The following RB1CC1 variants were observed in gnomAD, a reference collection of about 807,000 sequenced individuals.
RB1CC1 encodes the protein RB1-inducible coiled-coil protein 1.
RB1CC1 carries 46 observed loss-of-function variants against 177.5 expected under a neutral mutation model. That is an observed-to-expected ratio of 0.26 (90% CI 0.20 to 0.33). The LOEUF is 0.33. RB1CC1 is among the 10% of genes least tolerant of loss of function. RB1CC1 has a pLI of 1.00. For synonymous variants in RB1CC1, 666 were observed against 613.6 expected (o/e 1.09, Z -1.26); for missense variants, 1,703 against 1,816.3 (o/e 0.94, Z 1.13).
At chr8:52,710,600 C>T (rs897444912) in intron 1 of RB1CC1, among the ~76,000 whole-genome samples, 3 of 152,134 alleles carry the variant, frequency 2.0e-5, no homozygotes, top group Non-Finnish European at 2.9e-5. Context: ...ATGCATTACA[C>T]ATTTTGGTGT....
chr8:52,704,399 G>T (rs1206825604), intron 1 of RB1CC1, among the ~76,000 whole-genome samples: 4 of 150,152 alleles, frequency 2.7e-5, no homozygotes, highest in African/African-American at 9.8e-5. Context: ...TATGAAGAGA[G>T]GTATGCAAAA....
chr8:52,628,394 A>G (rs761067544), intron 21 of RB1CC1, among the ~76,000 whole-genome samples: 4 of 152,170 alleles, frequency 2.6e-5, no homozygotes, highest in Non-Finnish European at 5.9e-5. Flanking sequence ...AAAACCAAAA[A>G]TTTCTTTAAT....
At chr8:52,686,416 C>T (rs534138445) in intron 2 of RB1CC1, among the ~76,000 whole-genome samples, 2 of 152,270 alleles carry the variant, frequency 1.3e-5, no homozygotes, top group East Asian at 3.9e-4. Flanking sequence ...CTTGGTGGCG[C>T]ATGCCTGTGG....
At chr8:52,644,492 TGAATCATA>T (rs1344136884) in intron 16 of RB1CC1, among the ~76,000 whole-genome samples, 2 of 152,184 alleles carry the variant, frequency 1.3e-5, no homozygotes, top group Admixed American at 6.6e-5. Flanking sequence ...ATATGCAGAA[TGAATCATA>T]GAGAAGAATC....
chr8:52,676,088 G>C (rs578115406), intron 6 of RB1CC1, among the ~76,000 whole-genome samples: 1 of 152,096 alleles, frequency 6.6e-6, no homozygotes, highest in African/African-American at 2.4e-5. Context: ...CATAAGCAAA[G>C]ATTCTTGGTT....
At chr8:52,623,974 A>C in intron 23 of RB1CC1, 115 bp from the exon 24 acceptor site, 4 of 686,324 alleles carry the variant, frequency 5.8e-6, no homozygotes, top group Non-Finnish European at 5.1e-6. Flanking sequence ...AATAAACCAC[A>C]TCACACAAGT....
chr8:52,705,641 A>T (rs571126685), intron 1 of RB1CC1, among the ~76,000 whole-genome samples: 1 of 152,218 alleles, frequency 6.6e-6, no homozygotes, highest in Non-Finnish European at 1.5e-5. Context: ...TTTTCATTAT[A>T]CCATCACTTT....
chr8:52,701,047 T>C (rs1056774731), intron 1 of RB1CC1, among the ~76,000 whole-genome samples: 1 of 152,216 alleles, frequency 6.6e-6, no homozygotes, highest in Non-Finnish European at 1.5e-5. Flanking sequence ...GCCAGTTGTT[T>C]AGGGAAACAG....
rs565543561 is a variant in RB1CC1 at position 52,649,355 on chromosome 8, C to T, written c.3822-3488G>A. Among the ~76,000 whole-genome samples, 24 of 152,294 alleles carry T rather than the reference C, an allele frequency of 1.6e-4. No homozygotes were observed. In the South Asian group the frequency reaches 5.0e-3, roughly 32 times the overall value. On this transcript the variant is annotated intron_variant, in intron 15 of 23. Coordinates refer to ENST00000025008, the MANE Select transcript of RB1CC1 (RefSeq NM_014781.5). Reference sequence around the variant, plus strand: ...ACTTGAAAAAAGGCATCTCTAAAGGCTGACAGTTTTTCCCACCATTAAAAT... The same window carrying T: ...ACTTGAAAAAAGGCATCTCTAAAGGTTGACAGTTTTTCCCACCATTAAAAT...
rs1345844275 is a variant in RB1CC1, at chr8:52,657,474, C to T, written c.2355G>A (p.Lys785=). Residue 785 remains lysine (K), a synonymous_variant, in exon 15 of 24, where the codon AAG becomes AAA. Transcript: ENST00000025008. Reference sequence around the variant, plus strand: ...GAGAAGTATGATCTCCAAAATCCTCCTTACCACATACATTTGTATCCTGCA... The same window carrying T: ...GAGAAGTATGATCTCCAAAATCCTCTTTACCACATACATTTGTATCCTGCA... ...RRMQDTNVCG[K]EDFGDHTSLN... The T allele has an allele frequency of 3.1e-6, 5 of 1,613,724 alleles. No homozygotes were observed. The highest frequency in any genetic ancestry group is 3.4e-6 in the Non-Finnish European group (4 of 1,179,988).
At chr8:52,687,441 G>A (rs1209875937) in intron 1 of RB1CC1, among the ~76,000 whole-genome samples, 2 of 152,106 alleles carry the variant, frequency 1.3e-5, no homozygotes, top group African/African-American at 2.4e-5. Context: ...TCAAGTGTAG[G>A]CAGGGCCTGT....
intron 1 of RB1CC1, among the ~76,000 whole-genome samples, chr8:52,692,526 C>T (rs776266270): frequency 3.3e-5 from 5 of 151,888 alleles, no homozygotes; most frequent in Non-Finnish European, 7.4e-5. Context: ...AAGAATTATC[C>T]GCATCATTCA....
Position 52,661,241 on chromosome 8 carries a change from C to T in RB1CC1, c.1399G>A (p.Glu467Lys). 6.2e-7 allele frequency: 1 copy of T among 1,613,836 alleles called. No homozygotes were observed. The highest frequency in any genetic ancestry group is 8.5e-7 in the Non-Finnish European group (1 of 1,179,864). ...AGGCGGAGCAAAGCTTGTAACTTCTCTCCATCTTGATCAGCATGAAGCATT... is the reference window on the plus strand; with the variant it reads ...AGGCGGAGCAAAGCTTGTAACTTCTTTCCATCTTGATCAGCATGAAGCATT... ...FVMLHADQDGEKLQALLRLVI... is the reference protein window; with the variant it reads ...FVMLHADQDGKKLQALLRLVI... The change falls in exon 10 of 24, where the codon GAG becomes AAG. Residue 467 changes from glutamate (E) to lysine (K), a missense_variant. Physicochemically the swap from Glu to Lys is moderately conservative, Grantham distance 56 (BLOSUM62 1). Coordinates refer to ENST00000025008, the MANE Select transcript of RB1CC1 (RefSeq NM_014781.5).
intron 5 of RB1CC1, among the ~76,000 whole-genome samples, chr8:52,680,854 T>C (rs917741521): frequency 2.0e-5 from 3 of 152,044 alleles, no homozygotes; most frequent in Admixed American, 6.6e-5. Context: ...CCAAGTAATG[T>C]TGGTTTAGAA....
chr8:52,658,244 T>A (rs922855201), intron 13 of RB1CC1, 120 bp from the exon 14 acceptor site: 5 of 1,122,774 alleles, frequency 4.5e-6, no homozygotes, highest in Admixed American at 5.7e-5. Context: ...TTTAAATTAA[T>A]ACCAGAAGTA....
At chr8:52,637,952 T>C (rs1849277440) in intron 18 of RB1CC1, among the ~76,000 whole-genome samples, 1 of 152,200 alleles carries the variant, frequency 6.6e-6, no homozygotes, top group South Asian at 2.1e-4. Flanking sequence ...ATTACAGGCA[T>C]GAGCCACTGC....
intron 1 of RB1CC1, among the ~76,000 whole-genome samples, chr8:52,695,751 A>G (rs1188729943): frequency 1.3e-5 from 2 of 152,110 alleles, no homozygotes; most frequent in Non-Finnish European, 2.9e-5. Context: ...CTGAGTTTGG[A>G]CCCCTTCCAG....
chr8:52,627,302 G>A lies in RB1CC1; in HGVS notation c.4636+730C>T, dbSNP rs571254913. On this transcript the variant is annotated intron_variant, in intron 22 of 23. Coordinates refer to ENST00000025008, the MANE Select transcript of RB1CC1 (RefSeq NM_014781.5). ...GCAGAGGTTGCAGTGAGCTGAGATC[G>A]TGCCACCGCACTCCAGCCTAGGCGA... 2.0e-3 allele frequency among the ~76,000 whole-genome samples: 295 copies of A among 151,016 alleles called. 2 individuals carry two copies. The highest frequency in any genetic ancestry group is 0.011 in the Middle Eastern group (3 of 284).
chr8:52,709,798 G>A (rs891636487), intron 1 of RB1CC1, among the ~76,000 whole-genome samples: 1 of 152,240 alleles, frequency 6.6e-6, no homozygotes, highest in African/African-American at 2.4e-5. Flanking sequence ...TAAGGTGAAA[G>A]GGGGACACCC....
Sources: gnomAD v4.1 joint callset for allele counts (sites outside exome capture counted in the v4.1 genomes callset) on GRCh38, gnomAD v4.1.1 for gene constraint, MANE v1.5 for transcripts, NCBI Gene and HGNC (gene_info 2026-07-23, HGNC 2026-07-21) for gene names.